Variants in ZSCAN30 observed in about 807,000 individuals in gnomAD.
ZSCAN30 encodes zinc finger and SCAN domain-containing protein 30.
ZSCAN30 carries 37 observed loss-of-function variants against 44.3 expected under a neutral mutation model. The ratio of observed to expected loss-of-function variants is 0.84; its 90% CI spans 0.64 to 1.10. ZSCAN30 has a LOEUF of 1.10. Ranked by LOEUF, ZSCAN30 falls within the 50% of genes least tolerant of loss-of-function variation. The probability of loss-of-function intolerance (pLI) is 0.00; values close to 1 mark genes in which losing one functional copy is unlikely to be tolerated. For synonymous variants in ZSCAN30, 181 were observed against 204.6 expected, an observed-to-expected ratio of 0.88 and a Z score of 0.98; for missense variants, 549 against 582.6, an observed-to-expected ratio of 0.94 and a Z score of 0.59.
At chr18:35,258,010 T>C in intron 3 of ZSCAN30, 1 of 780,832 alleles carries the variant, frequency 1.3e-6, no homozygotes, top group Non-Finnish European at 2.4e-6. Flanking sequence ...AGGCATATCA[T>C]GAGGCTAGTG....
chr18:35,260,817 C>T (rs989621670), intron 3 of ZSCAN30: 9 of 152,110 alleles, frequency 5.9e-5, no homozygotes, highest in African/African-American at 1.7e-4. Flanking sequence ...TCTGTTCACT[C>T]TTATAATAGG....
chr18:35,287,499 A>G (rs911363680), intron 1 of ZSCAN30, among the ~76,000 whole-genome samples: 1 of 151,514 alleles, frequency 6.6e-6, no homozygotes, highest in Non-Finnish European at 1.5e-5. Flanking sequence ...ACATATATGG[A>G]TAACTGATTT....
intron 1 of ZSCAN30, among the ~76,000 whole-genome samples, chr18:35,288,463 GA>G (rs2143793064): frequency 6.6e-6 from 1 of 152,102 alleles, no homozygotes; most frequent in East Asian, 1.9e-4. Flanking sequence ...TACCATGAGA[GA>G]GGGGGAAAAA....
Position 35,287,036 on chromosome 18 carries a change from T to C in ZSCAN30, c.-104+3048A>G, listed in dbSNP as rs573062626. Among the ~76,000 whole-genome samples, 4 of 152,096 alleles carry C rather than the reference T, an allele frequency of 2.6e-5. No homozygotes were observed. The South Asian group carries it at 8.3e-4, about 32-fold the overall frequency. On this transcript the variant is annotated intron_variant, in intron 1 of 3. Transcript: ENST00000333206. ...TCTATTATATTACCAACAAACAATCTGAAATTAAAGGAAAAATACAATAGC... is the reference window on the plus strand; with the variant it reads ...TCTATTATATTACCAACAAACAATCCGAAATTAAAGGAAAAATACAATAGC...
chr18:35,263,399 CT>C, intron 3 of ZSCAN30, 113 bp downstream of exon 3: 2 of 1,335,704 alleles, frequency 1.5e-6, no homozygotes, highest in Admixed American at 4.1e-5. Flanking sequence ...GCAAAGAAGC[CT>C]TTCCACAATA....
chr18:35,288,890 AC>A (rs1251874542), intron 1 of ZSCAN30, among the ~76,000 whole-genome samples: 2 of 152,214 alleles, frequency 1.3e-5, no homozygotes, highest in Non-Finnish European at 2.9e-5. Context: ...TATTCATTTA[AC>A]AAGCCTTATC....
At chr18:35,279,495 G>A (rs1345397680) in intron 1 of ZSCAN30, among the ~76,000 whole-genome samples, 1 of 152,228 alleles carries the variant, frequency 6.6e-6, no homozygotes. Flanking sequence ...ATATCTGCAA[G>A]GGCCCTGTCT....
chr18:35,268,717 A>G (rs937496414), intron 1 of ZSCAN30: 1 of 152,284 alleles, frequency 6.6e-6, no homozygotes, highest in Non-Finnish European at 1.5e-5. Flanking sequence ...CGAGTGGTTC[A>G]GAAGAGTTGG....
chr18:35,267,380 G>A (rs2044178513), intron 1 of ZSCAN30: 1 of 152,366 alleles, frequency 6.6e-6, no homozygotes, highest in Non-Finnish European at 1.5e-5. Context: ...CCGGCCTGTG[G>A]CCGAGGGGTC....
At chr18:35,274,337 G>A (rs777107211) in intron 1 of ZSCAN30, among the ~76,000 whole-genome samples, 23 of 152,222 alleles carry the variant, frequency 1.5e-4, no homozygotes, top group African/African-American at 2.6e-4. Flanking sequence ...GTGCCCGGCC[G>A]AAGGTACTCC....
intron 1 of ZSCAN30, among the ~76,000 whole-genome samples, chr18:35,288,808 G>A (rs1217170995): frequency 1.3e-5 from 2 of 152,132 alleles, no homozygotes; most frequent in South Asian, 2.1e-4. Context: ...CTTACCAACG[G>A]GCAGGAGGAA....
intron 3 of ZSCAN30, chr18:35,262,899 T>A (rs1186007173): frequency 6.2e-6 from 1 of 160,566 alleles, no homozygotes; most frequent in Non-Finnish European, 1.4e-5. Flanking sequence ...TATCTGTTAT[T>A]GCTGTATTCT....
chr18:35,258,292 G>A (rs1476888521), intron 3 of ZSCAN30: 1 of 329,172 alleles, frequency 3.0e-6, no homozygotes, highest in African/African-American at 2.1e-5. Flanking sequence ...TAAGTCCAAG[G>A]ACATTGGAGA....
intron 1 of ZSCAN30, chr18:35,268,727 G>T (rs1160017254): frequency 6.6e-6 from 1 of 152,142 alleles, no homozygotes; most frequent in Non-Finnish European, 1.5e-5. Context: ...AGAAGAGTTG[G>T]TAAGACTAAA....
chr18:35,269,385 C>A (rs182449240), intron 1 of ZSCAN30: 1 of 151,434 alleles, frequency 6.6e-6, no homozygotes, highest in Admixed American at 6.6e-5. Context: ...CATAGAAAAC[C>A]CCTCATAAAG....
intron 3 of ZSCAN30, chr18:35,260,565 G>A (rs2044002502): frequency 6.6e-6 from 1 of 152,194 alleles, no homozygotes. Context: ...TGACTGCCAT[G>A]AGATTGTTTC....
At chr18:35,257,642 G>T (rs1223306610) in intron 3 of ZSCAN30, 14 of 443,860 alleles carry the variant, frequency 3.2e-5, no homozygotes, top group Non-Finnish European at 1.6e-5. Flanking sequence ...TCAGTTGATG[G>T]TATTTTGTTA....
intron 1 of ZSCAN30, among the ~76,000 whole-genome samples, chr18:35,288,517 G>C (rs1326114303): frequency 1.3e-5 from 2 of 152,178 alleles, no homozygotes; most frequent in African/African-American, 4.8e-5. Flanking sequence ...AATGTTCTCA[G>C]CTTTACTTGT....
chr18:35,279,196 A>C (rs2044413673), intron 1 of ZSCAN30, among the ~76,000 whole-genome samples: 1 of 152,242 alleles, frequency 6.6e-6, no homozygotes, highest in African/African-American at 2.4e-5. Flanking sequence ...GGCATAATAG[A>C]AATGTATTCT....
Sources: allele counts gnomAD v4.1 joint callset (sites outside exome capture counted in the v4.1 genomes callset), GRCh38; gene constraint gnomAD v4.1.1; transcripts MANE v1.5; gene names NCBI Gene and HGNC (gene_info 2026-07-23, HGNC 2026-07-21).